PDZD8: variants seen among roughly 807,000 people sequenced by gnomAD.
PDZD8 encodes PDZ domain containing 8.
PDZD8 carries 14 observed loss-of-function variants against 85.8 expected under a neutral mutation model. That is an observed-to-expected ratio of 0.16 (90% CI 0.11 to 0.26). The LOEUF (loss-of-function observed/expected upper bound fraction) is 0.26, where lower values mean the gene tolerates loss of function less well. PDZD8 is among the 10% of genes least tolerant of loss of function. PDZD8 has a pLI of 1.00. For synonymous variants in PDZD8, 592 were observed against 568.6 expected (o/e 1.04, Z -0.59); for missense variants, 1,197 against 1,424.3 (o/e 0.84, Z 2.57).
intron 1 of PDZD8, among the ~76,000 whole-genome samples, chr10:117,347,805 T>G (rs1485738245): frequency 6.6e-6 from 1 of 152,124 alleles, no homozygotes; most frequent in East Asian, 1.9e-4. Flanking sequence ...AAAAAAATAC[T>G]CCAAGAAATA....
chr10:117,358,381 C>T (rs537909484), intron 1 of PDZD8, among the ~76,000 whole-genome samples: 5 of 152,018 alleles, frequency 3.3e-5, no homozygotes, highest in African/African-American at 7.2e-5. Context: ...AACGTAATTG[C>T]GGGTTTTGCC....
At chr10:117,303,157 C>T (rs1016421607) in intron 3 of PDZD8, among the ~76,000 whole-genome samples, 3 of 152,108 alleles carry the variant, frequency 2.0e-5, no homozygotes, top group African/African-American at 4.8e-5. Flanking sequence ...AGAAACTTGT[C>T]GAATGGCTTT....
At chr10:117,361,085 T>C (rs1844988756) in intron 1 of PDZD8, among the ~76,000 whole-genome samples, 1 of 152,186 alleles carries the variant, frequency 6.6e-6, no homozygotes, top group Non-Finnish European at 1.5e-5. Flanking sequence ...AATTTCACCA[T>C]ATATTTGCGA....
chr10:117,357,286 T>C (rs952574943), intron 1 of PDZD8, among the ~76,000 whole-genome samples: 6 of 152,020 alleles, frequency 3.9e-5, no homozygotes, highest in Non-Finnish European at 7.4e-5. Flanking sequence ...TCTCAGCTAC[T>C]TGGGAGGCTG....
chr10:117,289,186 G>A (rs1051884428), intron 4 of PDZD8, among the ~76,000 whole-genome samples: 2 of 152,150 alleles, frequency 1.3e-5, no homozygotes, highest in Non-Finnish European at 2.9e-5. Context: ...AGTCTGAGAA[G>A]CACTGCTTAT....
chr10:117,336,915 T>C (rs1249232465), intron 2 of PDZD8, among the ~76,000 whole-genome samples: 2 of 151,922 alleles, frequency 1.3e-5, no homozygotes, highest in African/African-American at 2.4e-5. Context: ...AGATGTAATA[T>C]TGAAATCCAG....
intron 1 of PDZD8, among the ~76,000 whole-genome samples, chr10:117,344,977 C>T (rs1268868459): frequency 6.6e-6 from 1 of 152,116 alleles, no homozygotes; most frequent in African/African-American, 2.4e-5. Context: ...AAAGGCAAGC[C>T]AAGAGGACCT....
chr10:117,346,232 CAAAAA>C (rs59338641), intron 1 of PDZD8, among the ~76,000 whole-genome samples: 68 of 63,652 alleles, frequency 1.1e-3, no homozygotes, highest in Middle Eastern at 0.01. Flanking sequence ...AAACTCCGTC[CAAAAA>C]AAAAAAAAAA....
At chr10:117,321,635 G>T (rs563292800) in intron 2 of PDZD8, among the ~76,000 whole-genome samples, 8 of 152,070 alleles carry the variant, frequency 5.3e-5, no homozygotes, top group African/African-American at 1.9e-4. Context: ...GAATTGCATG[G>T]TATATTAATT....
chr10:117,285,007 C>T lies in PDZD8; in HGVS notation c.1726G>A (p.Ala576Thr). ...CCTTGGGTTGGTTTTGACACTTGTG[C>T]TGGGTCTGTTATCTCAGAAGTTTTT... ...PLKTSEITDP[A>T]QVSKPTQGSA... Residue 576 changes from alanine (A) to threonine (T), a missense_variant, in exon 5 of 5, where the codon GCA (alanine) becomes ACA (threonine). Physicochemically the swap from Ala to Thr is moderately conservative, Grantham distance 58. This residue lies in a region of PDZD8 where 263 missense variants were observed against 261.9 expected (regional missense o/e 1.00). Coordinates refer to ENST00000334464, the MANE Select transcript of PDZD8 (RefSeq NM_173791.5). 6.2e-7 allele frequency: 1 copy of T among 1,614,006 alleles called. No individual in the cohort carries two copies. Among genetic ancestry groups the T allele is most frequent in the African/African-American group, 1.3e-5 (1 of 74,966 alleles).
At position 117,290,267 on chromosome 10, in the gene PDZD8, C is replaced by T. The variant is rs761250025; in HGVS notation, c.1180G>A (p.Val394Ile). ...VQSTDGYAGHVIIETVAPNSP... is the reference protein window; with the variant it reads ...VQSTDGYAGHIIIETVAPNSP... The stretch of plus-strand genomic sequence containing the variant: ...TTTGGAGCCACAGTTTCAATGATGA[C>T]GTGCCCAGCATACCCATCAGTTGAC... Residue 394 changes from valine to isoleucine, a missense_variant, in exon 4 of 5, where the codon GTC (valine) becomes ATC (isoleucine). Around this residue, in one of 4 missense-constraint regions of PDZD8, gnomAD observed 344 missense variants for 453.6 expected, o/e 0.76. Transcript: ENST00000334464. The T allele has an allele frequency of 1.3e-5, 21 of 1,613,832 alleles. No individual in the cohort carries two copies. The highest frequency in any genetic ancestry group is 3.3e-5 in the South Asian group (3 of 91,062).
intron 1 of PDZD8, among the ~76,000 whole-genome samples, chr10:117,373,732 ATCGCGCCACTGTACTCCAGCC>A (rs1845236562): frequency 6.6e-6 from 1 of 152,010 alleles, no homozygotes; most frequent in Non-Finnish European, 1.5e-5. Context: ...GTAAGCCGAG[ATCGCGCCACTGTACTCCAGCC>A]TGGGCGACAC....
In PDZD8 at chr10:117,290,277, A is replaced by T; in HGVS notation, c.1170T>A (p.Tyr390Ter). 6.2e-7 allele frequency: 1 copy of T among 1,613,938 alleles called. No individual in the cohort carries two copies. The highest frequency in any genetic ancestry group is 8.5e-7 in the Non-Finnish European group (1 of 1,179,806). Residue 390 changes from tyrosine (Y) to a stop codon, truncating the protein, a stop_gained, in exon 4 of 5, where the codon TAT becomes TAA. Transcript: ENST00000334464. LOFTEE classifies it high-confidence loss of function. ...CAGTTTCAATGATGACGTGCCCAGC[A>T]TACCCATCAGTTGACTGGACAAGAC... Reference protein sequence around the residue: ...TLRLVQSTDGYAGHVIIETVA... With the variant: ...TLRLVQSTDG
Position 117,374,260 on chromosome 10 carries a change from G to A in PDZD8, c.872+96C>T. On this transcript the variant is annotated intron_variant, in intron 1 of 4. Coordinates refer to ENST00000334464, the MANE Select transcript of PDZD8 (RefSeq NM_173791.5). The surrounding 1 kb of genome is among the most constrained non-coding windows in gnomAD (Gnocchi z 7.8). ...GGGAAGGCCCCAGAAGCAGGCGCCA[G>A]GACAGAAATGAGCCTTTGCCCTTCC... 6.5e-7 allele frequency: 1 copy of A among 1,536,302 alleles called. No individual in the cohort carries two copies. The highest frequency in any genetic ancestry group is 8.8e-7 in the Non-Finnish European group (1 of 1,139,712).
chr10:117,334,934 T>G (rs1343085065), intron 2 of PDZD8, among the ~76,000 whole-genome samples: 1 of 151,746 alleles, frequency 6.6e-6, no homozygotes, highest in Non-Finnish European at 1.5e-5. Context: ...AATATGTAAT[T>G]TAGAATAAGA....
In PDZD8 at chr10:117,285,079, G is replaced by T. The variant is rs1232100694; in HGVS notation, c.1654C>A (p.Leu552Ile). 6.2e-7 allele frequency: 1 copy of T among 1,614,040 alleles called. No homozygotes were observed. Among genetic ancestry groups the T allele is most frequent in the South Asian group, 1.1e-5 (1 of 91,090 alleles). The change falls in exon 5 of 5, where the codon CTA becomes ATA. Residue 552 changes from leucine to isoleucine, a missense_variant. Physicochemically the swap from Leu to Ile is conservative, Grantham distance 5. This residue lies in a region of PDZD8 where 263 missense variants were observed against 261.9 expected (regional missense o/e 1.00). Coordinates refer to ENST00000334464, the MANE Select transcript of PDZD8 (RefSeq NM_173791.5). Reference sequence around the variant, plus strand: ...TCTTTGGACTGAATTTTCGGTGGTAGTGGGTGACTTCCTACAGCTAATTTA... The same window carrying T: ...TCTTTGGACTGAATTTTCGGTGGTATTGGGTGACTTCCTACAGCTAATTTA... ...NRKLAVGSHP[L>I]PPKIQSKDGN...
At chr10:117,312,499 A>G (rs1844055874) in intron 3 of PDZD8, among the ~76,000 whole-genome samples, 1 of 152,218 alleles carries the variant, frequency 6.6e-6, no homozygotes, top group Non-Finnish European at 1.5e-5. Context: ...GGTGCAGGAT[A>G]CATAGCGTAA....
At chr10:117,290,900 C>T (rs1239771674) in intron 3 of PDZD8, among the ~76,000 whole-genome samples, 2 of 132,276 alleles carry the variant, frequency 1.5e-5, no homozygotes, top group Admixed American at 1.7e-4. Flanking sequence ...GACAGGGTCT[C>T]ACTCTGTCAC....
At chr10:117,330,819 C>A (rs1844408660) in intron 2 of PDZD8, among the ~76,000 whole-genome samples, 1 of 150,386 alleles carries the variant, frequency 6.6e-6, no homozygotes, top group Non-Finnish European at 1.5e-5. Flanking sequence ...CTCTTGCCAG[C>A]AAATTTGGCC....
Sources: gnomAD v4.1 joint callset for allele counts (sites outside exome capture counted in the v4.1 genomes callset) on GRCh38, gnomAD v4.1.1 for gene constraint, gnomAD v4.1.1 regional missense constraint, Gnocchi (gnomAD v3.1) non-coding constraint, MANE v1.5 for transcripts, NCBI Gene and HGNC (gene_info 2026-07-23, HGNC 2026-07-21) for gene names.